Variants in PPP1R1C observed in about 807,000 individuals in gnomAD.
PPP1R1C encodes protein phosphatase 1 regulatory subunit 1C.
Under a neutral mutation model 17.4 loss-of-function variants are expected in PPP1R1C, and 15 were observed. That is an observed-to-expected ratio of 0.86 (90% CI 0.58 to 1.33). The LOEUF is 1.33. PPP1R1C is among the 40% of genes most tolerant of loss of function. The probability of loss-of-function intolerance (pLI) is 0.00; values close to 1 mark genes in which losing one functional copy is unlikely to be tolerated. For synonymous variants in PPP1R1C, 35 were observed against 43.1 expected (o/e 0.81, Z 0.73); for missense variants, 143 against 130.0 (o/e 1.10, Z -0.48).
chr2:181,956,973 C>T (rs1684680129), intron 1 of PPP1R1C, among the ~76,000 whole-genome samples: 1 of 152,188 alleles, frequency 6.6e-6, no homozygotes, highest in Admixed American at 6.5e-5. Flanking sequence ...GAGCTGTTCA[C>T]ACTGTTAAAC....
At chr2:182,047,930 T>C (rs1687393271) in intron 2 of PPP1R1C, among the ~76,000 whole-genome samples, 1 of 152,082 alleles carries the variant, frequency 6.6e-6, no homozygotes, top group Non-Finnish European at 1.5e-5. Context: ...ACATAATCCA[T>C]CTTGTGTTTT....
rs115301058 is a variant in PPP1R1C at position 182,067,861 on chromosome 2, C to T, written c.241+4070C>T. The stretch of plus-strand genomic sequence containing the variant: ...ACTTGGAAACAGAGTTTATTAGTTT[C>T]GGACACTCAGAGCCAGATTTGGCAT... On this transcript the variant is annotated intron_variant, in intron 4 of 4. Transcript: ENST00000682840. Among the ~76,000 whole-genome samples the T allele has an allele frequency of 9.2e-5, 14 of 152,114 alleles. No individual in the cohort carries two copies. In the South Asian group the frequency reaches 1.5e-3, roughly 16 times the overall value.
chr2:182,102,460 A>AT (rs1363661152), intron 4 of PPP1R1C, among the ~76,000 whole-genome samples: 2 of 152,132 alleles, frequency 1.3e-5, no homozygotes, highest in African/African-American at 2.4e-5. Flanking sequence ...TATCAATTCT[A>AT]TTTTTTTCTC....
intron 1 of PPP1R1C, among the ~76,000 whole-genome samples, chr2:181,966,153 T>G (rs1684900314): frequency 6.6e-6 from 1 of 152,196 alleles, no homozygotes; most frequent in Non-Finnish European, 1.5e-5. Flanking sequence ...ATATGTTAAT[T>G]TTGTATGCTG....
chr2:182,078,260 T>C (rs1376969564), intron 4 of PPP1R1C, among the ~76,000 whole-genome samples: 1 of 152,192 alleles, frequency 6.6e-6, no homozygotes, highest in African/African-American at 2.4e-5. Context: ...ATTTTTATGA[T>C]TATTAAATTG....
In PPP1R1C at chr2:182,048,330, C is replaced by G. The variant is rs955203174; in HGVS notation, c.143-13112C>G. Among the ~76,000 whole-genome samples, 4 of 152,052 alleles carry G rather than the reference C, an allele frequency of 2.6e-5. No individual in the cohort carries two copies. In the East Asian group the frequency reaches 7.7e-4, roughly 29 times the overall value. On this transcript the variant is annotated intron_variant, in intron 2 of 4. Coordinates refer to ENST00000682840, the MANE Select transcript of PPP1R1C (RefSeq NM_001080545.3). Reference sequence around the variant, plus strand: ...GAAGCCCCAAATGATAGGCCTTCAACGGAGCCCAGCAAAGGGCTTATAAGC... The same window carrying G: ...GAAGCCCCAAATGATAGGCCTTCAAGGGAGCCCAGCAAAGGGCTTATAAGC...
chr2:181,988,091 C>T (rs1265504782), intron 2 of PPP1R1C, among the ~76,000 whole-genome samples, 192 bp downstream of exon 2: 7 of 152,172 alleles, frequency 4.6e-5, no homozygotes, highest in Admixed American at 3.9e-4. Context: ...AAGCCACAGC[C>T]TGTATTTCCT....
intron 2 of PPP1R1C, among the ~76,000 whole-genome samples, chr2:182,058,129 G>C (rs1687744029): frequency 6.6e-6 from 1 of 151,878 alleles, no homozygotes. Flanking sequence ...GTTTTATAAT[G>C]CCTTTTTTTC....
intron 4 of PPP1R1C, among the ~76,000 whole-genome samples, chr2:182,089,044 G>A (rs572052041): frequency 6.6e-6 from 1 of 152,252 alleles, no homozygotes; most frequent in South Asian, 2.1e-4. Flanking sequence ...TATCTAGACA[G>A]CCAGGTCAAA....
At chr2:181,973,673 C>A (rs978426272) in intron 1 of PPP1R1C, among the ~76,000 whole-genome samples, 1 of 152,082 alleles carries the variant, frequency 6.6e-6, no homozygotes, top group Admixed American at 6.6e-5. Flanking sequence ...GGACTTTTGG[C>A]AAAGCAGATC....
chr2:182,004,397 T>C (rs374961391), intron 2 of PPP1R1C, among the ~76,000 whole-genome samples: 2 of 152,106 alleles, frequency 1.3e-5, no homozygotes, highest in South Asian at 2.1e-4. Flanking sequence ...GTGATGGAGT[T>C]TGTGATGGCA....
chr2:181,987,912 G>A lies in PPP1R1C; in HGVS notation c.142+13G>A. 1 of 1,604,108 alleles carries A rather than the reference G, an allele frequency of 6.2e-7. No individual in the cohort carries two copies. Among genetic ancestry groups the A allele is most frequent in the Non-Finnish European group, 8.5e-7 (1 of 1,171,630 alleles). On this transcript the variant is annotated intron_variant, in intron 2 of 4. Transcript: ENST00000682840. ...CATAACCCCCCAGGTAAAGAAGCAT[G>A]ATGTGTTTCACACTGATGGAACAGA...
At chr2:182,062,001 C>T (rs1429566365) in intron 3 of PPP1R1C, among the ~76,000 whole-genome samples, 1 of 152,076 alleles carries the variant, frequency 6.6e-6, no homozygotes, top group African/African-American at 2.4e-5. Flanking sequence ...ATTCCCTCCA[C>T]ATACATGTGT....
intron 2 of PPP1R1C, among the ~76,000 whole-genome samples, chr2:181,992,715 A>C (rs1419829473): frequency 2.2e-5 from 3 of 134,066 alleles, no homozygotes; most frequent in African/African-American, 8.4e-5. Context: ...TATTTATTGA[A>C]CTTCCTATCA....
In PPP1R1C at chr2:182,085,145, C is replaced by A. The variant is rs186901752; in HGVS notation, c.241+21354C>A. 1.6e-3 allele frequency among the ~76,000 whole-genome samples: 246 copies of A among 152,020 alleles called. 2 individuals carry two copies. Among genetic ancestry groups the A allele is most frequent in the African/African-American group, 5.7e-3 (235 of 41,500 alleles). On this transcript the variant is annotated intron_variant, in intron 4 of 4. Transcript: ENST00000682840. ...TTGATTTTGCTGAATTCATATAAAT[C>A]TAGGAGTATTTTGGATGGATCTTTG...
chr2:182,110,785 G>A (rs2125234117), intron 4 of PPP1R1C, among the ~76,000 whole-genome samples: 1 of 152,222 alleles, frequency 6.6e-6, no homozygotes, highest in Non-Finnish European at 1.5e-5. Context: ...TTGCAGTCAA[G>A]TCTTGCAGGC....
chr2:182,055,959 T>G (rs1407947748), intron 2 of PPP1R1C, among the ~76,000 whole-genome samples: 1 of 152,230 alleles, frequency 6.6e-6, no homozygotes, highest in Non-Finnish European at 1.5e-5. Flanking sequence ...CTCTCCTTTA[T>G]GCTCATTCTT....
At chr2:182,119,358 A>G (rs565987140), downstream of PPP1R1C, among the ~76,000 whole-genome samples, 112 of 152,234 alleles carry the variant, frequency 7.4e-4, no homozygotes, top group African/African-American at 2.2e-3. Flanking sequence ...TAGTGCCGCA[A>G]TAAACATACG....
At position 181,967,881 on chromosome 2, in the gene PPP1R1C, A is replaced by T. The variant is rs866769137; in HGVS notation, n.112-7338A>T. 4.0e-4 allele frequency among the ~76,000 whole-genome samples: 61 copies of T among 152,086 alleles called. No individual in the cohort carries two copies. Among genetic ancestry groups the T allele is most frequent in the African/African-American group, 1.4e-3 (57 of 41,480 alleles). On this transcript the variant is annotated intron_variant and non_coding_transcript_variant, in intron 1 of 5. Coordinates refer to the PPP1R1C transcript ENST00000464264. This position sits in a 1 kb window ranked among gnomAD's most constrained non-coding sequence, Gnocchi z 5.5. ...CAGGCACGAGCCACCATGCCTGGCT[A>T]ATTTTGTGTTTTTAGTAGAGAGGGG...
Sources: gnomAD v4.1 joint callset for allele counts (sites outside exome capture counted in the v4.1 genomes callset) on GRCh38, gnomAD v4.1.1 for gene constraint, Gnocchi (gnomAD v3.1) non-coding constraint, MANE v1.5 for transcripts, NCBI Gene and HGNC (gene_info 2026-07-23, HGNC 2026-07-21) for gene names.